The following WDR45B variants were observed in gnomAD, a reference collection of about 807,000 sequenced individuals.
The protein encoded by WDR45B is WD repeat domain phosphoinositide-interacting protein 3.
WDR45B carries 20 observed loss-of-function variants against 44.6 expected under a neutral mutation model. The ratio of observed to expected loss-of-function variants is 0.45; its 90% confidence interval spans 0.32 to 0.65. The LOEUF (loss-of-function observed/expected upper bound fraction) is 0.65, where lower values mean the gene tolerates loss of function less well. Ranked by LOEUF, WDR45B falls within the 30% of genes least tolerant of loss-of-function variation. The probability of loss-of-function intolerance (pLI) is 0.05; values close to 1 mark genes in which losing one functional copy is unlikely to be tolerated. For synonymous variants in WDR45B, 169 were observed against 164.9 expected (o/e 1.02, Z -0.19); for missense variants, 323 against 430.2 (o/e 0.75, Z 2.20).
At chr17:82,634,256 G>A (rs769700321) in intron 2 of WDR45B, among the ~76,000 whole-genome samples, 7 of 150,828 alleles carry the variant, frequency 4.6e-5, no homozygotes, top group Non-Finnish European at 8.8e-5. Context: ...TTGGGAGGCC[G>A]AGGCAGGCGA....
At chr17:82,617,246 G>A (rs752706477) in intron 8 of WDR45B, 50 bp downstream of exon 8, 2 of 1,562,808 alleles carry the variant, frequency 1.3e-6, no homozygotes, top group African/African-American at 2.7e-5. Context: ...GAAACACTGG[G>A]GACTCCTCTC....
intron 4 of WDR45B, chr17:82,626,812 C>A (rs949233727): frequency 7.4e-6 from 2 of 270,712 alleles, no homozygotes; most frequent in African/African-American, 4.4e-5. Flanking sequence ...CCTTTACCTT[C>A]AAACCGAAAA....
chr17:82,643,257 A>G (rs2045938437), intron 2 of WDR45B, among the ~76,000 whole-genome samples: 3 of 151,882 alleles, frequency 2.0e-5, no homozygotes, highest in South Asian at 4.2e-4. Flanking sequence ...AAATGGTGAA[A>G]CCCCGTCTCT....
chr17:82,619,243 C>A, intron 6 of WDR45B, 115 bp from the exon 7 acceptor site: 1 of 948,712 alleles, frequency 1.1e-6, no homozygotes, highest in Non-Finnish European at 1.6e-6. Context: ...TCAAACTCAC[C>A]CACATCATCT....
intron 6 of WDR45B, 24 bp from the exon 7 acceptor site, chr17:82,619,152 C>T: frequency 6.2e-7 from 1 of 1,607,520 alleles, no homozygotes; most frequent in Non-Finnish European, 8.5e-7. Context: ...TGAAGTGTTT[C>T]ATTATCAAAG....
intron 1 of WDR45B, 102 bp from the exon 2 acceptor site, chr17:82,644,125 C>A: frequency 9.5e-7 from 1 of 1,053,040 alleles, no homozygotes; most frequent in South Asian, 1.3e-5. Flanking sequence ...TGCAGATGCT[C>A]AAACCACACA....
intron 4 of WDR45B, chr17:82,626,911 T>C: frequency 2.1e-6 from 1 of 474,746 alleles, no homozygotes; most frequent in Non-Finnish European, 3.9e-6. Flanking sequence ...GCTCTGCACA[T>C]GTCGGAATGG....
intron 2 of WDR45B, among the ~76,000 whole-genome samples, chr17:82,641,291 T>C (rs571961556): frequency 5.1e-4 from 78 of 152,174 alleles, no homozygotes; most frequent in Non-Finnish European, 7.5e-4. Flanking sequence ...ATAAGAAATG[T>C]TGAATTTACT....
At chr17:82,645,908 G>A (rs929824356) in intron 1 of WDR45B, among the ~76,000 whole-genome samples, 2 of 151,238 alleles carry the variant, frequency 1.3e-5, no homozygotes, top group African/African-American at 2.4e-5. Flanking sequence ...GGATCACAGG[G>A]TCAGGAGATC....
At chr17:82,642,034 A>C (rs779116767) in intron 2 of WDR45B, among the ~76,000 whole-genome samples, 3 of 152,182 alleles carry the variant, frequency 2.0e-5, no homozygotes, top group Admixed American at 1.3e-4. Flanking sequence ...AGCTGAACAC[A>C]TGGAAGGTTC....
At position 82,623,166 on chromosome 17, in the gene WDR45B, C is replaced by T. The variant is rs142841826; in HGVS notation, c.428-1367G>A. Among the ~76,000 whole-genome samples the T allele has an allele frequency of 4.1e-3, 614 of 148,502 alleles. 15 individuals are homozygous for T. The highest frequency in any genetic ancestry group is 0.031 in the Admixed American group (469 of 14,918). On this transcript the variant is annotated intron_variant, in intron 5 of 9. Transcript: ENST00000392325. Reference sequence around the variant, plus strand: ...CAGCACTTTGGGAGGCCAAGGAAGGCGGATCACCTGAGGTCAGGAGTTTGA... The same window carrying T: ...CAGCACTTTGGGAGGCCAAGGAAGGTGGATCACCTGAGGTCAGGAGTTTGA...
intron 2 of WDR45B, 99 bp downstream of exon 2, chr17:82,643,850 G>T: frequency 1.6e-6 from 2 of 1,217,464 alleles, no homozygotes; most frequent in South Asian, 1.3e-5. Context: ...TTTACTTCTC[G>T]AAAACAGCCA....
intron 2 of WDR45B, among the ~76,000 whole-genome samples, chr17:82,640,281 C>G (rs1455277200): frequency 6.6e-6 from 1 of 152,090 alleles, no homozygotes; most frequent in African/African-American, 2.4e-5. Flanking sequence ...CCCCACCACT[C>G]AGGAAAGCAA....
chr17:82,640,842 G>A (rs1443171016), intron 2 of WDR45B, among the ~76,000 whole-genome samples: 1 of 152,156 alleles, frequency 6.6e-6, no homozygotes, highest in South Asian at 2.1e-4. Flanking sequence ...CTAAGCTCAG[G>A]GACAGCCTGC....
intron 2 of WDR45B, among the ~76,000 whole-genome samples, chr17:82,639,734 G>C (rs1207415737): frequency 6.6e-6 from 1 of 150,602 alleles, no homozygotes; most frequent in Admixed American, 6.6e-5. Context: ...GTCAGGTCAG[G>C]TAGGCTGCTG....
At chr17:82,632,067 G>A (rs2045775352) in intron 2 of WDR45B, among the ~76,000 whole-genome samples, 3 of 151,092 alleles carry the variant, frequency 2.0e-5, no homozygotes, top group Non-Finnish European at 2.9e-5. Flanking sequence ...GTGACAGAGC[G>A]AGACTCTATC....
At chr17:82,645,247 C>T (rs1308280533) in intron 1 of WDR45B, among the ~76,000 whole-genome samples, 1 of 150,634 alleles carries the variant, frequency 6.6e-6, no homozygotes, top group African/African-American at 2.4e-5. Flanking sequence ...GCAGCGAGCT[C>T]AGATCACGCC....
In WDR45B at chr17:82,631,029, TG is replaced by T; in HGVS notation, c.143-8del. 2.5e-6 allele frequency: 4 copies of T among 1,612,620 alleles called. No homozygotes were observed. The highest frequency in any genetic ancestry group is 3.4e-6 in the Non-Finnish European group (4 of 1,178,786). ...ACTCCTCCTTCTAGAAATTCTGAAATGATAGTTTTAAAAAGACCAATGTTAC... is the reference window on the plus strand; with the variant it reads ...ACTCCTCCTTCTAGAAATTCTGAAATATAGTTTTAAAAAGACCAATGTTAC... On this transcript the variant is annotated splice_region_variant and splice_polypyrimidine_tract_variant and intron_variant, in intron 2 of 9. Coordinates refer to ENST00000392325, the MANE Select transcript of WDR45B (RefSeq NM_019613.4).
intron 2 of WDR45B, among the ~76,000 whole-genome samples, chr17:82,640,587 G>C (rs1025032638): frequency 2.0e-5 from 3 of 152,108 alleles, no homozygotes; most frequent in Non-Finnish European, 2.9e-5. Context: ...CTGACCTCGT[G>C]ATCTGCCCAC....
Sources: allele counts gnomAD v4.1 joint callset (sites outside exome capture counted in the v4.1 genomes callset), GRCh38; gene constraint gnomAD v4.1.1; transcripts MANE v1.5; gene names NCBI Gene and HGNC (gene_info 2026-07-23, HGNC 2026-07-21).